Variants in PGPEP1L observed in about 807,000 individuals in gnomAD.
PGPEP1L encodes the protein pyroglutamyl-peptidase 1-like protein.
Under a neutral mutation model 6.0 loss-of-function variants are expected in PGPEP1L, and 7 were observed. The observed-to-expected ratio is 1.17, with a 90% CI of 0.66 to 2.19. The LOEUF is 2.19. PGPEP1L is among the 30% of genes most tolerant of loss of function. The pLI, the probability that PGPEP1L is intolerant of heterozygous loss-of-function variation, is 0.00. For synonymous variants in PGPEP1L, 103 were observed against 83.9 expected (o/e 1.23, Z -1.24); for missense variants, 209 against 192.5 (o/e 1.09, Z -0.51).
At chr15:98,990,114 C>T (rs746911689) in intron 2 of PGPEP1L, among the ~76,000 whole-genome samples, 13 of 152,158 alleles carry the variant, frequency 8.5e-5, no homozygotes, top group Non-Finnish European at 1.9e-4. Context: ...ATGACAGGAT[C>T]AAATTCACAC....
intron 2 of PGPEP1L, among the ~76,000 whole-genome samples, chr15:98,987,875 A>T (rs2017769609): frequency 6.6e-6 from 1 of 152,104 alleles, no homozygotes; most frequent in Admixed American, 6.5e-5. Flanking sequence ...CCTGGGAGGC[A>T]CAAGGGGTCA....
chr15:98,980,016 A>G (rs1472131627), intron 2 of PGPEP1L, among the ~76,000 whole-genome samples: 1 of 152,152 alleles, frequency 6.6e-6, no homozygotes, highest in African/African-American at 2.4e-5. Context: ...GATACAATGG[A>G]CACTGGGGAC....
chr15:99,003,419 G>A (rs2018003248), intron 2 of PGPEP1L, among the ~76,000 whole-genome samples: 1 of 150,216 alleles, frequency 6.7e-6, no homozygotes, highest in Non-Finnish European at 1.5e-5. Flanking sequence ...CTTTAAACTT[G>A]GTCAGCCCCC....
chr15:98,976,081 G>A (rs1211505687), intron 2 of PGPEP1L, among the ~76,000 whole-genome samples: 1 of 152,002 alleles, frequency 6.6e-6, no homozygotes, highest in Non-Finnish European at 1.5e-5. Context: ...AGAAATGGAG[G>A]GTTATTGTTA....
chr15:98,990,973 G>A (rs1285466903), intron 2 of PGPEP1L, among the ~76,000 whole-genome samples: 1 of 152,130 alleles, frequency 6.6e-6, no homozygotes, highest in Non-Finnish European at 1.5e-5. Flanking sequence ...AGTGTGTAGA[G>A]GGAATTTTAT....
intron 2 of PGPEP1L, among the ~76,000 whole-genome samples, chr15:98,992,677 C>T (rs1334429455): frequency 1.3e-5 from 2 of 152,148 alleles, no homozygotes; most frequent in African/African-American, 2.4e-5. Context: ...GGAGGCATCA[C>T]ATTACCTGAC....
Position 98,971,051 on chromosome 15 carries a change from T to C in PGPEP1L, c.-34A>G. The stretch of plus-strand genomic sequence containing the variant: ...CATCACTTACTTGCGGCTGATGATC[T>C]TCCCAGATTCCGGTGACCCTCCGCT... On this transcript the variant is annotated 5_prime_UTR_variant, in exon 3 of 5. Coordinates refer to ENST00000535714, the MANE Select transcript of PGPEP1L (RefSeq NM_001167902.2). The C allele has an allele frequency of 3.1e-6, 5 of 1,613,794 alleles. No individual in the cohort carries two copies. The highest frequency in any genetic ancestry group is 4.2e-6 in the Non-Finnish European group (5 of 1,179,786).
intron 2 of PGPEP1L, among the ~76,000 whole-genome samples, chr15:99,004,759 C>A (rs1555473418): frequency 6.6e-6 from 1 of 151,976 alleles, no homozygotes; most frequent in East Asian, 1.9e-4. Context: ...GAAGATCAGG[C>A]CCCCAGGGAC....
At position 98,968,325 on chromosome 15, in the gene PGPEP1L, A is replaced by G; in HGVS notation, c.*153T>C. The G allele has an allele frequency of 2.7e-6, 2 of 731,896 alleles. No individual in the cohort carries two copies. The highest frequency in any genetic ancestry group is 2.7e-5 in the Admixed American group (1 of 37,040). The allele number at this position is 731,896 out of a possible 1,614,324, so 45.3% of individuals were successfully genotyped here. A position where few individuals can be genotyped will look rare whatever the true frequency, so the allele number is the denominator to read the frequency against. On this transcript the variant is annotated 3_prime_UTR_variant, in exon 5 of 5. Transcript: ENST00000535714. Reference sequence around the variant, plus strand: ...TTTCAGAGTGTTCTTTCTCCTGACAATAAAATAACCCTTTGTGATTTTGTT... The same window carrying G: ...TTTCAGAGTGTTCTTTCTCCTGACAGTAAAATAACCCTTTGTGATTTTGTT...
intron 2 of PGPEP1L, among the ~76,000 whole-genome samples, chr15:98,999,104 C>T (rs1247717973): frequency 6.6e-6 from 1 of 152,080 alleles, no homozygotes; most frequent in Non-Finnish European, 1.5e-5. Context: ...AACTAGATTC[C>T]GTCAAAATTA....
At chr15:98,971,209 G>A in intron 2 of PGPEP1L, 51 bp from the exon 3 acceptor site, 1 of 140,710 alleles carries the variant, frequency 7.1e-6, no homozygotes, top group Non-Finnish European at 1.1e-5. Context: ...GGGGGGGGGG[G>A]GTGGGCACCA....
intron 2 of PGPEP1L, among the ~76,000 whole-genome samples, chr15:98,980,184 TAA>T (rs1246302524): frequency 6.6e-6 from 1 of 151,992 alleles, no homozygotes; most frequent in East Asian, 1.9e-4. Flanking sequence ...CTTATGAAAA[TAA>T]AGAATAAATA....
chr15:98,998,954 G>A (rs367626416), intron 2 of PGPEP1L, among the ~76,000 whole-genome samples: 44 of 152,194 alleles, frequency 2.9e-4, no homozygotes, highest in African/African-American at 1.0e-3. Context: ...CAGCCTGGGC[G>A]AAAGAGCAAA....
At chr15:98,978,861 C>G (rs1000432111) in intron 2 of PGPEP1L, among the ~76,000 whole-genome samples, 43 of 151,090 alleles carry the variant, frequency 2.8e-4, no homozygotes, top group African/African-American at 1.0e-3. Flanking sequence ...TCCCGAGTAG[C>G]TGGGACTACA....
chr15:99,004,934 G>A (rs1555473438), intron 2 of PGPEP1L, among the ~76,000 whole-genome samples: 1 of 151,802 alleles, frequency 6.6e-6, no homozygotes, highest in African/African-American at 2.4e-5. Context: ...CCTGAAAAAT[G>A]GAAGTTCTTA....
intron 2 of PGPEP1L, among the ~76,000 whole-genome samples, chr15:98,987,815 T>G (rs1336401065): frequency 6.6e-6 from 1 of 151,842 alleles, no homozygotes; most frequent in Non-Finnish European, 1.5e-5. Context: ...GGCTGGACAG[T>G]GGGTGCAGCC....
chr15:98,982,467 C>G (rs2017678619), intron 2 of PGPEP1L, among the ~76,000 whole-genome samples: 1 of 152,148 alleles, frequency 6.6e-6, no homozygotes, highest in Admixed American at 6.5e-5. Context: ...TTCCCACTAA[C>G]AAGGTGGGGC....
chr15:98,988,139 G>A (rs549043356), intron 2 of PGPEP1L, among the ~76,000 whole-genome samples: 2 of 152,100 alleles, frequency 1.3e-5, no homozygotes, highest in African/African-American at 4.8e-5. Flanking sequence ...CAGCGAGACA[G>A]AATCTTTCAC....
rs780225491 is a variant in PGPEP1L, at chr15:98,971,133, T to A, written c.-116A>T. 6.4e-7 allele frequency: 1 copy of A among 1,554,932 alleles called. No homozygotes were observed. The highest frequency in any genetic ancestry group is 1.4e-5 in the African/African-American group (1 of 72,048). ...AGTCCGCAGCTGCACCACTGTTTCA[T>A]TCCCCAGGCCCAGCTTGGAGAGCTC... On this transcript the variant is annotated 5_prime_UTR_variant, in exon 3 of 5. An upstream start codon of the reference 5' UTR is lost. Transcript: ENST00000535714.
Sources: allele counts gnomAD v4.1 joint callset (sites outside exome capture counted in the v4.1 genomes callset), GRCh38; gene constraint gnomAD v4.1.1; transcripts MANE v1.5; gene names NCBI Gene and HGNC (gene_info 2026-07-23, HGNC 2026-07-21).